The following RBFOX1 variants were observed in gnomAD, a reference collection of about 807,000 sequenced individuals.
RBFOX1 encodes RNA binding fox-1 homolog 1.
Under a neutral mutation model 57.7 loss-of-function variants are expected in RBFOX1, and 8 were observed. The ratio of observed to expected loss-of-function variants is 0.14; its 90% CI spans 0.08 to 0.25. The LOEUF (loss-of-function observed/expected upper bound fraction) is 0.25. Among genes scored for constraint, RBFOX1 ranks in the 10% least tolerant of loss-of-function variants. The pLI is 1.00. For missense variants in RBFOX1, 611 were observed against 548.5 expected, an observed-to-expected ratio of 1.11 and a Z score of -1.14; for synonymous variants, 326 against 222.4, an observed-to-expected ratio of 1.47 and a Z score of -4.15.
chr16:6,291,949 ATG>A (rs112285049), intron 1 of RBFOX1, among the ~76,000 whole-genome samples: 4,664 of 149,016 alleles, frequency 0.031, 228 homozygotes, highest in African/African-American at 0.1. Flanking sequence ...GTTGGAATGA[ATG>A]TGTGTGTGTG....
chr16:5,660,921 C>T (rs1224996604), intron 3 of RBFOX1, among the ~76,000 whole-genome samples: 2 of 152,132 alleles, frequency 1.3e-5, no homozygotes, highest in Admixed American at 6.5e-5. Context: ...GCCTCCAACC[C>T]AGGAGGAAGG....
At chr16:7,634,502 T>C (rs1300854510) in intron 11 of RBFOX1, among the ~76,000 whole-genome samples, 1 of 152,162 alleles carries the variant, frequency 6.6e-6, no homozygotes, top group East Asian at 1.9e-4. Flanking sequence ...CCCTGCTGAA[T>C]TAGTCTGTAA....
chr16:5,704,394 T>C (rs996332897), intron 3 of RBFOX1, among the ~76,000 whole-genome samples: 3 of 151,786 alleles, frequency 2.0e-5, no homozygotes, highest in East Asian at 3.9e-4. Flanking sequence ...GGTCTGGGGG[T>C]CGCCACAACT....
intron 3 of RBFOX1, among the ~76,000 whole-genome samples, chr16:6,989,816 A>T (rs1423368262): frequency 6.6e-6 from 1 of 152,096 alleles, no homozygotes; most frequent in Non-Finnish European, 1.5e-5. Context: ...CCTGGCTAAC[A>T]TGGTGAAATT....
chr16:5,822,586 C>A (rs991040664), intron 3 of RBFOX1, among the ~76,000 whole-genome samples: 1 of 152,074 alleles, frequency 6.6e-6, no homozygotes, highest in Admixed American at 6.5e-5. Flanking sequence ...ATTTTCCAAC[C>A]ACAAAGAAAT....
rs138528932 is a variant in RBFOX1 at position 5,337,776 on chromosome 16, G to C, written c.219+97671G>C. ...GCCATTGACTGAAGGTAGAAACTCT[G>C]AGAGGGCAAGGAAGGAACTGGACTT... On this transcript the variant is annotated intron_variant, in intron 1 of 2. Transcript: ENST00000585867. Among the ~76,000 whole-genome samples the C allele has an allele frequency of 2.0e-3, 311 of 152,318 alleles. 3 individuals carry two copies. The highest frequency in any genetic ancestry group is 6.8e-3 in the African/African-American group (281 of 41,578).
At chr16:6,732,690 G>C (rs201838988) in intron 3 of RBFOX1, among the ~76,000 whole-genome samples, 1 of 152,292 alleles carries the variant, frequency 6.6e-6, no homozygotes, top group Non-Finnish European at 1.5e-5. Flanking sequence ...GTATGTTGAC[G>C]TCCTCTGTTG....
intron 1 of RBFOX1, among the ~76,000 whole-genome samples, chr16:6,283,608 G>T (rs572736453): frequency 6.6e-6 from 1 of 152,108 alleles, no homozygotes; most frequent in African/African-American, 2.4e-5. Flanking sequence ...AAATGGGAAA[G>T]GATGCCTAAC....
chr16:6,071,958 A>G (rs1455969956), intron 1 of RBFOX1, among the ~76,000 whole-genome samples: 1 of 152,222 alleles, frequency 6.6e-6, no homozygotes, highest in Non-Finnish European at 1.5e-5. Context: ...TGTATACACG[A>G]CATTTTCTTC....
intron 3 of RBFOX1, among the ~76,000 whole-genome samples, chr16:6,817,669 C>G (rs1038477407): frequency 2.0e-5 from 3 of 151,682 alleles, no homozygotes; most frequent in Non-Finnish European, 4.4e-5. Flanking sequence ...CACCACTGCA[C>G]TCCAGCCTGG....
chr16:6,721,454 C>CA (rs1282269233), intron 3 of RBFOX1, among the ~76,000 whole-genome samples: 1 of 152,160 alleles, frequency 6.6e-6, no homozygotes, highest in Non-Finnish European at 1.5e-5. Context: ...AAAACAACAA[C>CA]AACAAAACCG....
intron 1 of RBFOX1, among the ~76,000 whole-genome samples, chr16:6,315,055 A>G (rs1301197169): frequency 2.0e-5 from 3 of 152,244 alleles, no homozygotes; most frequent in Non-Finnish European, 4.4e-5. Flanking sequence ...GGCTTAATAA[A>G]CAATAAACTT....
At chr16:6,925,950 C>T (rs927672233) in intron 3 of RBFOX1, among the ~76,000 whole-genome samples, 5 of 151,972 alleles carry the variant, frequency 3.3e-5, no homozygotes, top group Non-Finnish European at 7.4e-5. Context: ...GTAACCTAAA[C>T]TCATCGTTAA....
At chr16:7,607,840 A>G (rs565802667) in intron 10 of RBFOX1, among the ~76,000 whole-genome samples, 4 of 152,300 alleles carry the variant, frequency 2.6e-5, no homozygotes, top group African/African-American at 9.6e-5. Flanking sequence ...TCGTTCATTA[A>G]TCAAATTCCC....
intron 1 of RBFOX1, among the ~76,000 whole-genome samples, chr16:6,292,990 T>G (rs960765000): frequency 7.9e-5 from 12 of 152,112 alleles, no homozygotes; most frequent in African/African-American, 2.7e-4. Flanking sequence ...CCAGGGTACT[T>G]ACAATTTCCT....
rs555711158 is a variant in RBFOX1, at chr16:7,044,488, A to T, written c.-15-7569A>T. Among the ~76,000 whole-genome samples the T allele has an allele frequency of 6.6e-5, 10 of 152,320 alleles. No individual in the cohort carries two copies. In the East Asian group the frequency reaches 1.5e-3, roughly 24 times the overall value. On this transcript the variant is annotated intron_variant, in intron 3 of 15. Coordinates refer to ENST00000550418, the MANE Select transcript of RBFOX1 (RefSeq NM_018723.4). ...GAGACGGGGAAGATGAATCCCTGCTATTAAACATCTCGTTCAACCGGGAGA... is the reference window on the plus strand; with the variant it reads ...GAGACGGGGAAGATGAATCCCTGCTTTTAAACATCTCGTTCAACCGGGAGA...
At chr16:5,691,208 A>G (rs1341188054) in intron 3 of RBFOX1, among the ~76,000 whole-genome samples, 2 of 152,196 alleles carry the variant, frequency 1.3e-5, no homozygotes, top group East Asian at 3.9e-4. Context: ...CATAATTTCC[A>G]TCATTAGTTT....
chr16:5,863,362 G>A (rs913961438), intron 3 of RBFOX1, among the ~76,000 whole-genome samples: 2 of 152,288 alleles, frequency 1.3e-5, no homozygotes, highest in African/African-American at 2.4e-5. Context: ...CTCAAACACG[G>A]CTCTAATCAT....
intron 4 of RBFOX1, among the ~76,000 whole-genome samples, chr16:7,123,627 A>C (rs2067716150): frequency 6.6e-6 from 1 of 152,104 alleles, no homozygotes; most frequent in South Asian, 2.1e-4. Flanking sequence ...AACTTCTCAG[A>C]GTGCTGGGAC....
Sources: gnomAD v4.1 joint callset for allele counts (sites outside exome capture counted in the v4.1 genomes callset) on GRCh38, gnomAD v4.1.1 for gene constraint, MANE v1.5 for transcripts, NCBI Gene and HGNC (gene_info 2026-07-23, HGNC 2026-07-21) for gene names.